The following NNT variants were observed in gnomAD, a reference collection of about 807,000 sequenced individuals.
NNT encodes the protein NAD(P) transhydrogenase, mitochondrial.
Under a neutral mutation model 104.8 loss-of-function variants are expected in NNT, and 50 were observed. The ratio of observed to expected loss-of-function variants is 0.48; its 90% CI spans 0.38 to 0.60. NNT has a LOEUF of 0.60. NNT is among the 20% of genes least tolerant of loss of function. The probability of loss-of-function intolerance (pLI) is 0.00; values close to 1 mark genes in which losing one functional copy is unlikely to be tolerated. For synonymous variants in NNT, 461 were observed against 490.4 expected (o/e 0.94, Z 0.79); for missense variants, 1,131 against 1,330.7 (o/e 0.85, Z 2.33).
Position 43,622,146 on chromosome 5 carries a change from C to T in NNT, c.688-1886C>T, listed in dbSNP as rs572137330. 2.0e-5 allele frequency among the ~76,000 whole-genome samples: 3 copies of T among 152,250 alleles called. No individual in the cohort carries two copies. In the East Asian group the frequency reaches 5.8e-4, roughly 29 times the overall value. On this transcript the variant is annotated intron_variant, in intron 5 of 21. Transcript: ENST00000344920. ...TTGGTTGCACCTGGGACGATGGCGG[C>T]ACCAGAAATGTAGAGAAAGGTGAAG...
chr5:43,644,664 C>T lies in NNT; in HGVS notation c.1152C>T (p.Ala384=). ...TGCCCAGCCGAATGGCCACTCAGGCCAGCACCCTATATTCCAACAACATCA... is the reference window on the plus strand; with the variant it reads ...TGCCCAGCCGAATGGCCACTCAGGCTAGCACCCTATATTCCAACAACATCA... ...TDLPSRMATQ[A]STLYSNNITK... Residue 384 remains alanine, a synonymous_variant, in exon 9 of 22, where the codon GCC becomes GCT. Coordinates refer to ENST00000344920, the MANE Select transcript of NNT (RefSeq NM_182977.3). The T allele has an allele frequency of 6.2e-7, 1 of 1,614,198 alleles. No homozygotes were observed. Among genetic ancestry groups the T allele is most frequent in the Non-Finnish European group, 8.5e-7 (1 of 1,180,038 alleles).
chr5:43,645,648 T>A, intron 10 of NNT, 138 bp downstream of exon 10: 1 of 154,766 alleles, frequency 6.5e-6, no homozygotes, highest in Non-Finnish European at 1.3e-5. Flanking sequence ...CACATCTATC[T>A]ATCTATCTCT....
At chr5:43,652,975 C>G in intron 13 of NNT, 43 bp from the exon 14 acceptor site, 1 of 1,510,936 alleles carries the variant, frequency 6.6e-7, no homozygotes, top group Non-Finnish European at 9.1e-7. Flanking sequence ...AGCTAATAGA[C>G]CAAAGGTTTT....
chr5:43,676,116 G>T (rs1192454344), intron 18 of NNT, among the ~76,000 whole-genome samples: 1 of 152,216 alleles, frequency 6.6e-6, no homozygotes, highest in East Asian at 1.9e-4. Flanking sequence ...ATGAGGCAAT[G>T]TGGCCTAGTA....
chr5:43,669,447 T>TA (rs1399572508), intron 17 of NNT, among the ~76,000 whole-genome samples: 2 of 152,212 alleles, frequency 1.3e-5, no homozygotes, highest in Non-Finnish European at 2.9e-5. Flanking sequence ...TATTTGGAGA[T>TA]ACGTCCCATC....
intron 10 of NNT, among the ~76,000 whole-genome samples, chr5:43,648,752 C>A (rs1400448290): frequency 6.6e-6 from 1 of 152,034 alleles, no homozygotes; most frequent in East Asian, 1.9e-4. Flanking sequence ...TGTGTCTTGC[C>A]CAAGTAGAAA....
chr5:43,654,713 T>C (rs34985223), intron 14 of NNT, among the ~76,000 whole-genome samples: 5,137 of 152,334 alleles, frequency 0.034, 134 homozygotes, highest in East Asian at 0.12. Context: ...TATTTGAAAA[T>C]TGTGTGCTAG....
intron 10 of NNT, among the ~76,000 whole-genome samples, chr5:43,646,228 C>T (rs1276149465): frequency 6.6e-6 from 1 of 152,118 alleles, no homozygotes; most frequent in Admixed American, 6.5e-5. Flanking sequence ...AGACAATAAA[C>T]ATTTTTCCTG....
At position 43,651,724 on chromosome 5, in the gene NNT, C is replaced by A. The variant is rs756389898; in HGVS notation, c.1718-15C>A. On this transcript the variant is annotated splice_polypyrimidine_tract_variant and intron_variant, in intron 12 of 21. Transcript: ENST00000344920. The stretch of plus-strand genomic sequence containing the variant: ...AAAGAGGTACTATGTTTTTTATTTC[C>A]TTTGGTTTGCTAAGGTGGCTTTCTG... 1 of 1,612,268 alleles carries A rather than the reference C, an allele frequency of 6.2e-7. No homozygotes were observed. The highest frequency in any genetic ancestry group is 8.5e-7 in the Non-Finnish European group (1 of 1,179,408).
intron 19 of NNT, 93 bp downstream of exon 19, chr5:43,677,899 T>C: frequency 8.0e-6 from 8 of 1,004,936 alleles, no homozygotes; most frequent in African/African-American, 1.6e-5. Flanking sequence ...ATGTAGGGGT[T>C]AGGGCACTGA....
intron 17 of NNT, chr5:43,666,889 C>G (rs1222903225): frequency 1.2e-5 from 19 of 1,548,158 alleles, no homozygotes; most frequent in Non-Finnish European, 1.6e-5. Flanking sequence ...CAGCCTGGGC[C>G]CCTTGGCAAT....
intron 7 of NNT, among the ~76,000 whole-genome samples, chr5:43,643,725 T>C (rs1751355392): frequency 6.6e-6 from 1 of 152,222 alleles, no homozygotes; most frequent in Non-Finnish European, 1.5e-5. Flanking sequence ...GTGACATATG[T>C]TAAGATAATT....
rs1385525307 is a variant in NNT at position 43,674,375 on chromosome 5, T to C, written c.2635-1136T>C. 2.0e-5 allele frequency among the ~76,000 whole-genome samples: 3 copies of C among 152,298 alleles called. No individual in the cohort carries two copies. In the East Asian group the frequency reaches 5.8e-4, roughly 29 times the overall value. On this transcript the variant is annotated intron_variant, in intron 17 of 21. Coordinates refer to ENST00000344920, the MANE Select transcript of NNT (RefSeq NM_182977.3). ...CTGGTAGCAGGCTGAGCCATCATTG[T>C]GTGGGGTGGCCATAGTTGTCTCGAT... is the stretch of plus-strand genomic sequence containing the variant.
intron 17 of NNT, among the ~76,000 whole-genome samples, chr5:43,662,686 A>G (rs932561875): frequency 6.6e-6 from 1 of 152,224 alleles, no homozygotes; most frequent in Non-Finnish European, 1.5e-5. Flanking sequence ...TGAGTCCAGG[A>G]GTTCAAGACC....
At chr5:43,690,579 G>A (rs1742217718) in intron 19 of NNT, among the ~76,000 whole-genome samples, 2 of 152,248 alleles carry the variant, frequency 1.3e-5, no homozygotes, top group South Asian at 4.1e-4. Context: ...TAGTACTGTA[G>A]GATTGAGCTA....
chr5:43,656,239 A>G (rs963392658), intron 15 of NNT, among the ~76,000 whole-genome samples, 166 bp downstream of exon 15: 20 of 152,328 alleles, frequency 1.3e-4, no homozygotes, highest in Non-Finnish European at 2.6e-4. Flanking sequence ...CAGGAGTTCA[A>G]GACCAGCCTG....
intron 19 of NNT, among the ~76,000 whole-genome samples, chr5:43,681,618 T>C (rs1741724806): frequency 6.6e-6 from 1 of 152,134 alleles, no homozygotes; most frequent in Non-Finnish European, 1.5e-5. Context: ...CAGGCTGGTC[T>C]TGAACTCCTC....
intron 17 of NNT, among the ~76,000 whole-genome samples, chr5:43,672,965 A>T (rs2112079842): frequency 6.6e-6 from 1 of 152,022 alleles, no homozygotes; most frequent in East Asian, 1.9e-4. Flanking sequence ...TTATTTACCT[A>T]CTCAAGGCTC....
intron 7 of NNT, among the ~76,000 whole-genome samples, chr5:43,638,829 G>A (rs1022143045): frequency 6.6e-6 from 1 of 151,370 alleles, no homozygotes; most frequent in African/African-American, 2.4e-5. Flanking sequence ...TTCATGTCTT[G>A]TTATTTTAAA....
Sources: allele counts gnomAD v4.1 joint callset (sites outside exome capture counted in the v4.1 genomes callset), GRCh38; gene constraint gnomAD v4.1.1; transcripts MANE v1.5; gene names NCBI Gene and HGNC (gene_info 2026-07-23, HGNC 2026-07-21).